Variants in ZNF668 observed in about 807,000 individuals in gnomAD.
ZNF668 encodes zinc finger protein 668.
ZNF668 carries 10 observed loss-of-function variants against 40.3 expected under a neutral mutation model. The observed-to-expected ratio is 0.25, with a 90% CI of 0.15 to 0.42. The LOEUF is 0.42. ZNF668 is among the 10% of genes least tolerant of loss of function. The pLI, the probability that ZNF668 is intolerant of heterozygous loss-of-function variation, is 1.00. For missense variants in ZNF668, 749 were observed against 904.6 expected (o/e 0.83, Z 2.21); for synonymous variants, 428 against 384.6 (o/e 1.11, Z -1.32).
Position 31,064,137 on chromosome 16 carries a change from C to T in ZNF668, c.323G>A (p.Gly108Glu), listed in dbSNP as rs748374806. ...ELRSHGRSHT[G>E]EKPFPCPECG... ...CTCGGGGCACGGAAAGGGCTTCTCCCCCGTGTGGCTGCGCCCGTGGCTGCG... is the reference window on the plus strand; with the variant it reads ...CTCGGGGCACGGAAAGGGCTTCTCCTCCGTGTGGCTGCGCCCGTGGCTGCG... The change falls in exon 2 of 3, where the codon GGG becomes GAG. Residue 108 changes from glycine (G) to glutamate (E), a missense_variant. Gly to Glu is a moderately conservative substitution (Grantham distance 98, BLOSUM62 -2). Around this residue, in one of 4 missense-constraint regions of ZNF668, gnomAD observed 151 missense variants for 178.6 expected, o/e 0.85. Transcript: ENST00000300849. The T allele has an allele frequency of 6.2e-7, 1 of 1,607,776 alleles. No homozygotes were observed. Among genetic ancestry groups the T allele is most frequent in the East Asian group, 2.2e-5 (1 of 44,808 alleles).
intron 2 of ZNF668, chr16:31,062,571 C>G (rs930984219): frequency 6.0e-6 from 2 of 334,792 alleles, no homozygotes; most frequent in Non-Finnish European, 5.5e-6. Flanking sequence ...GAGACCATCC[C>G]GGCTAACACG....
intron 1 of ZNF668, chr16:31,065,150 CT>C: frequency 1.0e-6 from 1 of 998,660 alleles, no homozygotes; most frequent in South Asian, 4.4e-5. Context: ...TGGAGAATCA[CT>C]CAAGGCAGCC....
chr16:31,066,078 C>G, intron 1 of ZNF668: 1 of 985,400 alleles, frequency 1.0e-6, no homozygotes, highest in Non-Finnish European at 1.2e-6. Flanking sequence ...TGGCAAGGGC[C>G]ACATCCTTAA....
chr16:31,072,968 C>G (rs1233744731), intron 1 of ZNF668: 2 of 152,300 alleles, frequency 1.3e-5, no homozygotes, highest in Admixed American at 6.5e-5. Flanking sequence ...CGCTCTGGAC[C>G]TCAGTTTCCT....
chr16:31,073,991 G>T lies in ZNF668; in HGVS notation c.-355C>A, dbSNP rs561680457. ...CAATGTCTTCAAGAACCAGAAGGTG[G>T]GAGGACAAAAAGGCCATGCTCAAGC... On this transcript the variant is annotated 5_prime_UTR_variant, in exon 1 of 3. Transcript: ENST00000300849. 6.6e-6 allele frequency: 1 copy of T among 152,344 alleles called. No homozygotes were observed. The highest frequency in any genetic ancestry group is 2.4e-5 in the African/African-American group (1 of 41,552). The allele number at this position is 152,344 out of a possible 1,614,324, so 9.4% of individuals were successfully genotyped here.
rs887964396 is a variant in ZNF668, at chr16:31,068,474, G to A, written c.-22-3993C>T. Among the ~76,000 whole-genome samples the A allele has an allele frequency of 6.0e-5, 9 of 149,790 alleles. 1 individual carries two copies. The highest frequency in any genetic ancestry group is 4.7e-4 in the Admixed American group (7 of 14,958). ...CCTGACCTCGTGATCCGACCGCCTC[G>A]GCCTCCCAAAGTGCTGGGATTACAG... On this transcript the variant is annotated intron_variant, in intron 1 of 2. Transcript: ENST00000300849.
intron 1 of ZNF668, among the ~76,000 whole-genome samples, chr16:31,065,859 A>T (rs1024547397): frequency 6.6e-6 from 1 of 151,894 alleles, no homozygotes; most frequent in Non-Finnish European, 1.5e-5. Flanking sequence ...GTCTCAAAAA[A>T]AAAAAAATAA....
chr16:31,062,346 G>A (rs1036367461), intron 2 of ZNF668, 66 bp from the exon 3 acceptor site: 16 of 1,518,640 alleles, frequency 1.1e-5, no homozygotes, highest in Middle Eastern at 1.8e-4. Flanking sequence ...CTGCCTGTCT[G>A]GGCTGTACTT....
At chr16:31,063,234 G>C (rs922419762) in intron 2 of ZNF668, among the ~76,000 whole-genome samples, 10 of 152,092 alleles carry the variant, frequency 6.6e-5, no homozygotes, top group Non-Finnish European at 1.0e-4. Flanking sequence ...CCAGGCTCAG[G>C]CCATCCTCCC....
chr16:31,068,144 G>A (rs535361029), intron 1 of ZNF668, among the ~76,000 whole-genome samples: 92 of 146,104 alleles, frequency 6.3e-4, no homozygotes, highest in African/African-American at 2.3e-3. Flanking sequence ...GTAGGGGAGT[G>A]CCAGGTTGGT....
intron 1 of ZNF668, among the ~76,000 whole-genome samples, chr16:31,067,620 G>T (rs1258545313): frequency 1.3e-5 from 2 of 152,192 alleles, no homozygotes; most frequent in African/African-American, 4.8e-5. Context: ...AATTATCAAA[G>T]CGTCTTCTTA....
chr16:31,069,691 A>G (rs2057001441), intron 1 of ZNF668, among the ~76,000 whole-genome samples: 1 of 151,612 alleles, frequency 6.6e-6, no homozygotes, highest in South Asian at 2.1e-4. Flanking sequence ...ACGGAATCTC[A>G]TGATTATCTA....
rs761144473 is a variant in ZNF668, at chr16:31,062,099, C to T, written c.829G>A (p.Glu277Lys). ...CAGCGCGGGCACAGGAAGGGCTTCT[C>T]CCCCGAGTGCGTGCGCTCGTGGCTC... ...YQSHERTHSG[E>K]KPFLCPRCGR... Residue 277 changes from glutamate to lysine, a missense_variant, in exon 3 of 3, where the codon GAG (glutamate) becomes AAG (lysine). Coordinates refer to ENST00000300849, the MANE Select transcript of ZNF668 (RefSeq NM_024706.5). The T allele has an allele frequency of 6.2e-7, 1 of 1,613,710 alleles. No individual in the cohort carries two copies. Among genetic ancestry groups the T allele is most frequent in the Non-Finnish European group, 8.5e-7 (1 of 1,179,796 alleles).
At chr16:31,063,751 T>C in intron 2 of ZNF668, 62 bp downstream of exon 2, 3 of 1,445,568 alleles carry the variant, frequency 2.1e-6, no homozygotes, top group Non-Finnish European at 2.7e-6. Flanking sequence ...CCAGGCCCCA[T>C]TGGCTGCAGC....
intron 1 of ZNF668, among the ~76,000 whole-genome samples, chr16:31,066,777 A>G (rs2056984217): frequency 6.6e-6 from 1 of 152,170 alleles, no homozygotes; most frequent in South Asian, 2.1e-4. Context: ...AACCTTTCTG[A>G]TGACTTGAAT....
chr16:31,062,160 G>C lies in ZNF668; in HGVS notation c.768C>G (p.Ala256=), dbSNP rs1244440037. The change falls in exon 3 of 3, where the codon GCC becomes GCG. Residue 256 remains alanine, a synonymous_variant. Transcript: ENST00000300849. ...HAAQKPYRCP[A]CGKGFTQLSS... Reference sequence around the variant, plus strand: ...TGAGCTGCGTGAAGCCCTTGCCGCAGGCCGGGCAGCGGTAGGGCTTCTGTG... The same window carrying C: ...TGAGCTGCGTGAAGCCCTTGCCGCACGCCGGGCAGCGGTAGGGCTTCTGTG... 3 of 1,613,892 alleles carry C rather than the reference G, an allele frequency of 1.9e-6. No homozygotes were observed. In the East Asian group the frequency reaches 6.7e-5, roughly 36 times the overall value.
At chr16:31,071,702 A>G (rs2057016492) in intron 1 of ZNF668, among the ~76,000 whole-genome samples, 1 of 151,860 alleles carries the variant, frequency 6.6e-6, no homozygotes, top group South Asian at 2.1e-4. Flanking sequence ...ATGCTCCTCC[A>G]CTATGGCTTC....
chr16:31,068,091 G>A (rs1014578063), intron 1 of ZNF668, among the ~76,000 whole-genome samples: 3 of 151,362 alleles, frequency 2.0e-5, no homozygotes, highest in Non-Finnish European at 4.4e-5. Context: ...CCAGGTAGCT[G>A]GAGGGGAAAT....
intron 1 of ZNF668, 181 bp from the exon 2 acceptor site, chr16:31,064,662 T>C: frequency 2.0e-6 from 3 of 1,536,064 alleles, no homozygotes; most frequent in Non-Finnish European, 2.6e-6. Flanking sequence ...AAGAAAGGAG[T>C]TGGACCAAGT....
Sources: gnomAD v4.1 joint callset for allele counts (sites outside exome capture counted in the v4.1 genomes callset) on GRCh38, gnomAD v4.1.1 for gene constraint, gnomAD v4.1.1 regional missense constraint, MANE v1.5 for transcripts, NCBI Gene and HGNC (gene_info 2026-07-23, HGNC 2026-07-21) for gene names.